Variants in MTRF1 observed in about 807,000 individuals in gnomAD.
The protein encoded by MTRF1 is peptide chain release factor 1, mitochondrial.
MTRF1 carries 51 observed loss-of-function variants against 62.9 expected under a neutral mutation model. The observed-to-expected ratio is 0.81, with a 90% CI of 0.65 to 1.02. The LOEUF (loss-of-function observed/expected upper bound fraction) is 1.02, where lower values mean the gene tolerates loss of function less well. Among genes scored for constraint, MTRF1 ranks in the 50% least tolerant of loss-of-function variants. The probability of loss-of-function intolerance (pLI) is 0.00; values close to 1 mark genes in which losing one functional copy is unlikely to be tolerated. For missense variants in MTRF1, 446 were observed against 530.0 expected, an observed-to-expected ratio of 0.84 and a Z score of 1.56; for synonymous variants, 158 against 181.9, an observed-to-expected ratio of 0.87 and a Z score of 1.06.
chr13:41,242,639 A>T (rs2037670987), intron 5 of MTRF1, among the ~76,000 whole-genome samples: 1 of 152,130 alleles, frequency 6.6e-6, no homozygotes, highest in South Asian at 2.1e-4. Flanking sequence ...ATTGCTGGCT[A>T]TTTCGCTCTA....
At chr13:41,288,651 C>T in the MTRF1 span, among the ~76,000 whole-genome samples, 7 of 152,114 alleles carry the variant, frequency 4.6e-5, no homozygotes, top group Non-Finnish European at 1.0e-4. Flanking sequence ...TTGGAATACA[C>T]TCTTAAATAA....
rs1393846484 is a variant in MTRF1 at position 41,260,557 on chromosome 13, T to G, written c.351A>C (p.Ala117=). 1.2e-6 allele frequency: 2 copies of G among 1,614,072 alleles called. No homozygotes were observed. Among genetic ancestry groups the G allele is most frequent in the African/African-American group, 2.7e-5 (2 of 74,936 alleles). Residue 117 remains alanine, a synonymous_variant, in exon 2 of 10, where the codon GCA becomes GCC. Coordinates refer to ENST00000379480, the MANE Select transcript of MTRF1 (RefSeq NM_004294.4). ...TCTCCTGAATTTCTTGGTAAATGGCTGCAAGAGGTGCCAACTCAGCATGCC... is the reference window on the plus strand; with the variant it reads ...TCTCCTGAATTTCTTGGTAAATGGCGGCAAGAGGTGCCAACTCAGCATGCC... ...NRRHAELAPL[A]AIYQEIQETE...
At chr13:41,230,726 C>CTT (rs571291052) in intron 7 of MTRF1, among the ~76,000 whole-genome samples, 85 of 144,464 alleles carry the variant, frequency 5.9e-4, no homozygotes, top group East Asian at 8.2e-4. Flanking sequence ...GATGGTTTCC[C>CTT]TTTTTTTTTT....
chr13:41,310,969 T>C, the MTRF1 span, among the ~76,000 whole-genome samples: 139 of 152,350 alleles, frequency 9.1e-4, no homozygotes, highest in African/African-American at 3.2e-3. Context: ...TTTTATTTAT[T>C]ACTTTATTGC....
At chr13:41,273,521 G>A in the MTRF1 span, among the ~76,000 whole-genome samples, 5 of 152,116 alleles carry the variant, frequency 3.3e-5, no homozygotes, top group Middle Eastern at 3.2e-3. Flanking sequence ...GCATAGTTTG[G>A]TTTTACATGT....
Position 41,252,735 on chromosome 13 carries a change from A to G in MTRF1, c.607T>C (p.Phe203Leu). 6.2e-7 allele frequency: 1 copy of G among 1,613,484 alleles called. No homozygotes were observed. Among genetic ancestry groups the G allele is most frequent in the Non-Finnish European group, 8.5e-7 (1 of 1,179,768 alleles). The change falls in exon 5 of 10, where the codon TTT (phenylalanine) becomes CTT (leucine). Residue 203 changes from phenylalanine to leucine, a missense_variant. By Grantham distance (22) the Phe-to-Leu change is conservative. Transcript: ENST00000379480. ...TACATGTCAAATATTTCTCGGGTAAATTGTTGGCAGATGTCACCTAAAACA... is the reference window on the plus strand; with the variant it reads ...TACATGTCAAATATTTCTCGGGTAAGTTGTTGGCAGATGTCACCTAAAACA... ...RTTGGDICQQ[F>L]TREIFDMYQN...
chr13:41,307,043 A>G, the MTRF1 span, among the ~76,000 whole-genome samples: 1 of 152,340 alleles, frequency 6.6e-6, no homozygotes, highest in Middle Eastern at 3.4e-3. Flanking sequence ...AGGCTTTCTG[A>G]TTGTGCATAC....
chr13:41,290,290 G>A, the MTRF1 span, among the ~76,000 whole-genome samples: 7 of 151,420 alleles, frequency 4.6e-5, no homozygotes, highest in African/African-American at 1.5e-4. Context: ...TAGTAGAGAC[G>A]GGGTTTCACC....
At chr13:41,267,509 C>A (rs2040854104), upstream of MTRF1, among the ~76,000 whole-genome samples, 2 of 152,134 alleles carry the variant, frequency 1.3e-5, no homozygotes, top group Admixed American at 6.5e-5. Context: ...GCTAGAACCT[C>A]TCAGCTATTG....
At chr13:41,310,563 G>C in the MTRF1 span, among the ~76,000 whole-genome samples, 1 of 152,194 alleles carries the variant, frequency 6.6e-6, no homozygotes, top group Admixed American at 6.5e-5. Context: ...CCAGCCACTC[G>C]GGAGGCTGAG....
intron 2 of MTRF1, chr13:41,257,710 A>C (rs1360710621): frequency 2.4e-6 from 1 of 415,126 alleles, no homozygotes; most frequent in Non-Finnish European, 5.0e-6. Context: ...AGGTTGGAGG[A>C]TTGCTTGAGT....
the MTRF1 span, chr13:41,311,363 C>G: frequency 3.2e-6 from 2 of 632,496 alleles, no homozygotes; most frequent in Non-Finnish European, 5.5e-6. Flanking sequence ...CATTGCCACC[C>G]GTGCCGAACA....
rs371604100 is a variant in MTRF1 at position 41,240,314 on chromosome 13, G to C, written c.817C>G (p.Gln273Glu). 3 of 1,613,084 alleles carry C rather than the reference G, an allele frequency of 1.9e-6. No individual in the cohort carries two copies. The highest frequency in any genetic ancestry group is 2.5e-6 in the Non-Finnish European group (3 of 1,179,532). Residue 273 changes from glutamine (Q) to glutamate (E), a missense_variant, in exon 6 of 10, where the codon CAG (glutamine) becomes GAG (glutamate). Transcript: ENST00000379480. ...IPEVGLSSRM[Q>E]RIHTGTMSVI... ...GACATCGTTCCTGTGTGAATGCGCT[G>C]CATCCTTGAGGACAGGCCCACCTCG...
At chr13:41,225,825 A>G (rs1333797476) in intron 8 of MTRF1, among the ~76,000 whole-genome samples, 1 of 151,426 alleles carries the variant, frequency 6.6e-6, no homozygotes, top group Admixed American at 6.6e-5. Context: ...AAAAAAAAAA[A>G]AAGAATTTAA....
chr13:41,223,229 T>G lies in MTRF1; in HGVS notation c.1224+27A>C, dbSNP rs375659670. The G allele has an allele frequency of 2.0e-6, 3 of 1,499,958 alleles. No homozygotes were observed. In the South Asian group the frequency reaches 3.5e-5, roughly 18 times the overall value. 92.9% of individuals were successfully genotyped at this position (1,499,958 alleles called of 1,614,324 possible). ...CTATATTTTCTTCTGAAATCAAAGG[T>G]AGGCAAAGCATACTCAGTAGTATTA... On this transcript the variant is annotated intron_variant, in intron 9 of 9. Coordinates refer to ENST00000379480, the MANE Select transcript of MTRF1 (RefSeq NM_004294.4).
chr13:41,234,078 T>C, intron 6 of MTRF1, 71 bp from the exon 7 acceptor site: 2 of 1,157,040 alleles, frequency 1.7e-6, no homozygotes, highest in Non-Finnish European at 2.6e-6. Context: ...CCAAGATTTT[T>C]CAAATAAACT....
rs111556125 is a variant in MTRF1, at chr13:41,226,354, A to G, written c.1125+78T>C. 1.7e-4 allele frequency: 244 copies of G among 1,433,036 alleles called. No homozygotes were observed. In the African/African-American group the frequency reaches 2.9e-3, roughly 17 times the overall value. The allele number at this position is 1,433,036 out of a possible 1,614,324, so 88.8% of individuals were successfully genotyped here. ...GCTCTAAAACATTCCCATTTAAGCA[A>G]GAACAAACACTGCATTCTCTACAGA... On this transcript the variant is annotated intron_variant, in intron 8 of 9. Coordinates refer to ENST00000379480, the MANE Select transcript of MTRF1 (RefSeq NM_004294.4).
chr13:41,233,474 C>CTA (rs1234011081), intron 7 of MTRF1, among the ~76,000 whole-genome samples: 1 of 152,132 alleles, frequency 6.6e-6, no homozygotes, highest in Non-Finnish European at 1.5e-5. Flanking sequence ...GACAGCAAAA[C>CTA]TACCTCAGAG....
the MTRF1 span, among the ~76,000 whole-genome samples, chr13:41,293,608 A>G: frequency 6.6e-6 from 1 of 152,204 alleles, no homozygotes; most frequent in Non-Finnish European, 1.5e-5. Context: ...CTTCACTTTA[A>G]GGCTCTTATT....
Sources: gnomAD v4.1 joint callset for allele counts (sites outside exome capture counted in the v4.1 genomes callset) on GRCh38, gnomAD v4.1.1 for gene constraint, MANE v1.5 for transcripts, NCBI Gene and HGNC (gene_info 2026-07-23, HGNC 2026-07-21) for gene names.